KIAA1328: variants seen among roughly 807,000 people sequenced by gnomAD.
The protein encoded by KIAA1328 is protein hinderin.
KIAA1328 carries 52 observed loss-of-function variants against 68.1 expected under a neutral mutation model. The observed-to-expected ratio is 0.76, with a 90% confidence interval of 0.61 to 0.96. The LOEUF is 0.96. KIAA1328 is among the 40% of genes least tolerant of loss of function. The pLI, the probability that KIAA1328 is intolerant of heterozygous loss-of-function variation, is 0.00. For synonymous variants in KIAA1328, 232 were observed against 239.4 expected (o/e 0.97, Z 0.28); for missense variants, 641 against 677.6 (o/e 0.95, Z 0.60).
At chr18:36,897,121 T>C (rs1441611841) in intron 5 of KIAA1328, among the ~76,000 whole-genome samples, 2 of 152,062 alleles carry the variant, frequency 1.3e-5, no homozygotes, top group East Asian at 3.9e-4. Context: ...CAACAGAATA[T>C]CTGAATTGTA....
At chr18:36,890,563 C>T (rs375444371) in intron 5 of KIAA1328, among the ~76,000 whole-genome samples, 6 of 151,998 alleles carry the variant, frequency 3.9e-5, no homozygotes, top group East Asian at 1.9e-4. Context: ...CCCAACTACT[C>T]GGGAGGCTGA....
intron 7 of KIAA1328, among the ~76,000 whole-genome samples, chr18:37,132,430 G>C (rs2058544717): frequency 6.6e-6 from 1 of 152,148 alleles, no homozygotes; most frequent in African/African-American, 2.4e-5. Flanking sequence ...ACATTATTCT[G>C]TAAATGCCAG....
intron 7 of KIAA1328, among the ~76,000 whole-genome samples, chr18:37,116,232 G>T (rs2058101500): frequency 6.6e-6 from 1 of 152,172 alleles, no homozygotes; most frequent in African/African-American, 2.4e-5. Context: ...AACAAAGCTG[G>T]AGGCATCATG....
rs1215206902 is a variant in KIAA1328, at chr18:37,223,180, C to A, written c.*953C>A. 5 of 984,956 alleles carry A rather than the reference C, an allele frequency of 5.1e-6. No individual in the cohort carries two copies. The highest frequency in any genetic ancestry group is 6.0e-6 in the Non-Finnish European group (5 of 829,956). The allele number at this position is 984,956 out of a possible 1,614,324, so 61.0% of individuals were successfully genotyped here. On this transcript the variant is annotated 3_prime_UTR_variant, in exon 10 of 10. Coordinates refer to ENST00000280020, the MANE Select transcript of KIAA1328 (RefSeq NM_020776.3). ...GGGCTTCCTCTGGCCCTCCCTTTTC[C>A]TCCACGAGGATTAAAGGATACAAGC...
intron 7 of KIAA1328, among the ~76,000 whole-genome samples, chr18:37,123,106 T>C (rs1033101806): frequency 6.6e-6 from 1 of 152,128 alleles, no homozygotes; most frequent in African/African-American, 2.4e-5. Context: ...TTCCCCAGCC[T>C]TTGTAAAGAA....
chr18:36,909,000 G>T (rs1291847703), intron 5 of KIAA1328, among the ~76,000 whole-genome samples: 1 of 152,118 alleles, frequency 6.6e-6, no homozygotes, highest in South Asian at 2.1e-4. Context: ...GGTACATTTG[G>T]TCCCAGTTCT....
intron 5 of KIAA1328, among the ~76,000 whole-genome samples, chr18:36,891,777 A>C (rs1025796890): frequency 4.6e-5 from 7 of 152,164 alleles, no homozygotes; most frequent in Admixed American, 4.6e-4. Flanking sequence ...ATCCATGTGC[A>C]TGTGTCCTTT....
chr18:37,011,658 T>G (rs1168560453), intron 6 of KIAA1328, among the ~76,000 whole-genome samples: 1 of 152,184 alleles, frequency 6.6e-6, no homozygotes, highest in Non-Finnish European at 1.5e-5. Flanking sequence ...GGGAAATAAC[T>G]TGGCACGCAC....
intron 5 of KIAA1328, among the ~76,000 whole-genome samples, chr18:36,927,957 T>A (rs1417277367): frequency 6.6e-6 from 1 of 152,050 alleles, no homozygotes; most frequent in South Asian, 2.1e-4. Flanking sequence ...TAAGAACAAG[T>A]GGGTGTAATT....
At chr18:36,921,194 G>A (rs1254833879) in intron 5 of KIAA1328, 3 of 150,440 alleles carry the variant, frequency 2.0e-5, no homozygotes, top group Non-Finnish European at 4.4e-5. Flanking sequence ...CATCTTGGGT[G>A]GAAGCAGAAG....
At chr18:36,935,234 G>A (rs2050456272) in intron 5 of KIAA1328, among the ~76,000 whole-genome samples, 1 of 152,218 alleles carries the variant, frequency 6.6e-6, no homozygotes, top group South Asian at 2.1e-4. Flanking sequence ...TACAGAAGGT[G>A]ATGGCCTACT....
At chr18:36,929,311 C>G (rs1436381117) in intron 5 of KIAA1328, among the ~76,000 whole-genome samples, 1 of 152,162 alleles carries the variant, frequency 6.6e-6, no homozygotes, top group Admixed American at 6.5e-5. Context: ...ACTGCAGACA[C>G]TGAGATAGGT....
intron 5 of KIAA1328, among the ~76,000 whole-genome samples, chr18:36,893,453 GTGTGTGTGTTTT>G (rs1330448940): frequency 5.1e-5 from 7 of 137,916 alleles, no homozygotes; most frequent in Non-Finnish European, 1.1e-4. Context: ...GTGTGTGTGT[GTGTGTGTGTTTT>G]TGTGTGTGTG....
At chr18:37,110,508 T>C (rs2057900387) in intron 7 of KIAA1328, among the ~76,000 whole-genome samples, 2 of 152,250 alleles carry the variant, frequency 1.3e-5, no homozygotes, top group Admixed American at 1.3e-4. Flanking sequence ...ATAAAATTTT[T>C]GATGCCATAA....
chr18:36,909,849 G>A (rs972522782), intron 5 of KIAA1328, among the ~76,000 whole-genome samples: 1 of 152,182 alleles, frequency 6.6e-6, no homozygotes, highest in Non-Finnish European at 1.5e-5. Context: ...ATGGTATCTT[G>A]TTGTGGCTTT....
chr18:36,859,376 T>A (rs2047483186), intron 4 of KIAA1328, among the ~76,000 whole-genome samples: 2 of 152,238 alleles, frequency 1.3e-5, no homozygotes, highest in South Asian at 4.1e-4. Flanking sequence ...TTATTGGATT[T>A]TTTTCAGTTT....
intron 5 of KIAA1328, among the ~76,000 whole-genome samples, chr18:36,941,920 A>G (rs971515808): frequency 1.3e-5 from 2 of 152,222 alleles, no homozygotes; most frequent in African/African-American, 4.8e-5. Context: ...TTAGTGAAAC[A>G]TTAAGAAAAA....
rs2060264193 is a variant in KIAA1328 at position 37,208,868 on chromosome 18, A to T, written c.1524-13149A>T. Among the ~76,000 whole-genome samples the T allele has an allele frequency of 2.0e-5, 3 of 152,214 alleles. No homozygotes were observed. In the South Asian group the frequency reaches 6.2e-4, roughly 32 times the overall value. On this transcript the variant is annotated intron_variant, in intron 9 of 9. Coordinates refer to ENST00000280020, the MANE Select transcript of KIAA1328 (RefSeq NM_020776.3). ...GAAGGCTGGGAATAAAGGGAGAGATATTACAGAACATCATGGGACTAGCAG... is the reference window on the plus strand; with the variant it reads ...GAAGGCTGGGAATAAAGGGAGAGATTTTACAGAACATCATGGGACTAGCAG...
chr18:37,157,516 G>T lies in KIAA1328; in HGVS notation c.1233-2684G>T, dbSNP rs556133120. 2.1e-3 allele frequency among the ~76,000 whole-genome samples: 318 copies of T among 152,004 alleles called. 2 individuals are homozygous for T. Among genetic ancestry groups the T allele is most frequent in the Middle Eastern group, 0.017 (5 of 294 alleles). On this transcript the variant is annotated intron_variant, in intron 7 of 9. Transcript: ENST00000280020. ...TGAAGTTTCTTCTCATCAGTGTAAA[G>T]AATTACCTCATCCTAGCCAAGTGTG...
Sources: allele counts gnomAD v4.1 joint callset (sites outside exome capture counted in the v4.1 genomes callset), GRCh38; gene constraint gnomAD v4.1.1; transcripts MANE v1.5; gene names NCBI Gene and HGNC (gene_info 2026-07-23, HGNC 2026-07-21).